The following CREG2 variants were observed in gnomAD, a reference collection of about 807,000 sequenced individuals.
CREG2 encodes cellular repressor of E1A stimulated genes 2, also known as protein CREG2.
Under a neutral mutation model 26.2 loss-of-function variants are expected in CREG2, and 24 were observed. The ratio of observed to expected loss-of-function variants is 0.92; its 90% CI spans 0.66 to 1.29. The LOEUF (loss-of-function observed/expected upper bound fraction) is 1.29. Ranked by LOEUF, CREG2 falls within the 50% of genes most tolerant of loss-of-function variation. The pLI is 0.00. For synonymous variants in CREG2, 174 were observed against 169.2 expected, an observed-to-expected ratio of 1.03 and a Z score of -0.22; for missense variants, 366 against 398.6, an observed-to-expected ratio of 0.92 and a Z score of 0.70.
chr2:101,352,091 G>A (rs888843767), intron 3 of CREG2, among the ~76,000 whole-genome samples: 2 of 151,090 alleles, frequency 1.3e-5, no homozygotes, highest in African/African-American at 2.4e-5. Flanking sequence ...TATGTTGCCC[G>A]GGCTAGTCTT....
chr2:101,380,541 G>A, intron 2 of CREG2, among the ~76,000 whole-genome samples: 1 of 152,204 alleles, frequency 6.6e-6, no homozygotes, highest in East Asian at 1.9e-4. Flanking sequence ...CCCAGTTCTG[G>A]CTTTGTCTTC....
At position 101,349,740 on chromosome 2, in the gene CREG2, C is replaced by G. The variant is rs867958754; in HGVS notation, c.*1183G>C. On this transcript the variant is annotated 3_prime_UTR_variant, in exon 4 of 4. Coordinates refer to ENST00000324768, the MANE Select transcript of CREG2 (RefSeq NM_153836.4). The stretch of plus-strand genomic sequence containing the variant: ...TGTAGTAAGAATCAAATTTCAGAGA[C>G]TTTTTTTTTTTTTCCAAAAGCAAGA... 42 of 145,956 alleles carry G rather than the reference C, an allele frequency of 2.9e-4. No individual in the cohort carries two copies. The highest frequency in any genetic ancestry group is 9.5e-4 in the African/African-American group (38 of 40,142). The allele number at this position is 145,956 out of a possible 1,614,324, so 9.0% of individuals were successfully genotyped here. A position where few individuals can be genotyped will look rare whatever the true frequency, so the allele number is the denominator to read the frequency against.
intron 2 of CREG2, among the ~76,000 whole-genome samples, chr2:101,357,784 G>T (rs1351176007): frequency 6.6e-6 from 1 of 151,772 alleles, no homozygotes; most frequent in Non-Finnish European, 1.5e-5. Flanking sequence ...GGGCCATGGA[G>T]CTCACAGGGG....
chr2:101,363,555 G>C (rs373480079), intron 2 of CREG2, among the ~76,000 whole-genome samples: 13 of 152,202 alleles, frequency 8.5e-5, no homozygotes, highest in African/African-American at 2.9e-4. Context: ...TTATGTGTTT[G>C]TGTTCAGTGG....
intron 2 of CREG2, among the ~76,000 whole-genome samples, chr2:101,374,081 C>G (rs1182252333): frequency 4.6e-5 from 7 of 152,166 alleles, no homozygotes; most frequent in African/African-American, 1.7e-4. Flanking sequence ...GACTCAACGG[C>G]CTGCCCTGAG....
chr2:101,353,764 C>T (rs1684415012), intron 3 of CREG2, among the ~76,000 whole-genome samples: 1 of 152,154 alleles, frequency 6.6e-6, no homozygotes, highest in Non-Finnish European at 1.5e-5. Context: ...CACATATACA[C>T]CATGGAATAC....
At chr2:101,369,824 C>T (rs972966466) in intron 2 of CREG2, among the ~76,000 whole-genome samples, 3 of 152,206 alleles carry the variant, frequency 2.0e-5, no homozygotes, top group African/African-American at 2.4e-5. Context: ...CTGCATGGAC[C>T]TGCGTGCACG....
chr2:101,381,427 G>A (rs980956541), intron 2 of CREG2, among the ~76,000 whole-genome samples: 2 of 152,232 alleles, frequency 1.3e-5, no homozygotes, highest in African/African-American at 4.8e-5. Flanking sequence ...AGCTCCACTT[G>A]GAATGCGAAC....
At chr2:101,361,098 A>G (rs1157788841) in intron 2 of CREG2, among the ~76,000 whole-genome samples, 1 of 152,270 alleles carries the variant, frequency 6.6e-6, no homozygotes, top group Admixed American at 6.5e-5. Context: ...GTCATTATAG[A>G]ATAATAACAC....
rs570624552 is a variant in CREG2 at position 101,359,807 on chromosome 2, C to G, written c.612-4441G>C. 2.6e-5 allele frequency among the ~76,000 whole-genome samples: 4 copies of G among 152,358 alleles called. No homozygotes were observed. The East Asian group carries it at 5.8e-4, about 22-fold the overall frequency. On this transcript the variant is annotated intron_variant, in intron 2 of 3. Transcript: ENST00000324768. Reference sequence around the variant, plus strand: ...CCCTCTTCCAAATAAATCGCTGTTACCAGCATTATGCATCAACCAGACTCC... The same window carrying G: ...CCCTCTTCCAAATAAATCGCTGTTAGCAGCATTATGCATCAACCAGACTCC...
chr2:101,370,027 G>A (rs537470117), intron 2 of CREG2, among the ~76,000 whole-genome samples: 6 of 152,330 alleles, frequency 3.9e-5, no homozygotes, highest in Admixed American at 2.6e-4. Context: ...AGGGAATACA[G>A]TGGGTAACAG....
intron 2 of CREG2, among the ~76,000 whole-genome samples, chr2:101,359,174 C>A (rs553532012): frequency 2.0e-5 from 3 of 151,040 alleles, no homozygotes; most frequent in African/African-American, 4.9e-5. Context: ...GGGGGCCAAG[C>A]GGGCAACTTG....
chr2:101,376,885 C>T (rs1684799941), intron 2 of CREG2, among the ~76,000 whole-genome samples: 1 of 152,182 alleles, frequency 6.6e-6, no homozygotes, highest in Non-Finnish European at 1.5e-5. Flanking sequence ...AAACTTCCCT[C>T]TCGTCAGTAG....
Position 101,387,302 on chromosome 2 carries a change from G to T in CREG2, c.156C>A (p.Ser52Arg). The change falls in exon 1 of 4, where the codon AGC (serine) becomes AGA (arginine). Residue 52 changes from serine (S) to arginine (R), a missense_variant. Physicochemically the swap from Ser to Arg is moderately radical, Grantham distance 110. Transcript: ENST00000324768. This position sits in a 1 kb window ranked among gnomAD's most constrained non-coding sequence, Gnocchi z 4.7. ...CGGGCATAGCCTCCTCAGTGGAGGCGCTGTCCAGCTCCTCGTCCACCTCGT... is the reference window on the plus strand; with the variant it reads ...CGGGCATAGCCTCCTCAGTGGAGGCTCTGTCCAGCTCCTCGTCCACCTCGT... Reference protein sequence around the residue: ...VTNEVDEELDSASTEEAMPAL... With the variant: ...VTNEVDEELDRASTEEAMPAL... 1 of 1,491,780 alleles carries T rather than the reference G, an allele frequency of 6.7e-7. No individual in the cohort carries two copies. The highest frequency in any genetic ancestry group is 9.0e-7 in the Non-Finnish European group (1 of 1,114,384). The allele number at this position is 1,491,780 out of a possible 1,614,324, so 92.4% of individuals were successfully genotyped here.
intron 2 of CREG2, among the ~76,000 whole-genome samples, chr2:101,381,326 G>T (rs1425127139): frequency 6.6e-6 from 1 of 152,128 alleles, no homozygotes; most frequent in Non-Finnish European, 1.5e-5. Flanking sequence ...TTTATTCGGG[G>T]CTCTTTTTCA....
At chr2:101,362,918 TGGTGGAGAGTGGCA>T (rs1196999074) in intron 2 of CREG2, among the ~76,000 whole-genome samples, 1 of 152,074 alleles carries the variant, frequency 6.6e-6, no homozygotes, top group African/African-American at 2.4e-5. Flanking sequence ...CTGAGGACCC[TGGTGGAGAGTGGCA>T]GGAGCTGTCC....
At chr2:101,378,937 C>T (rs1053679312) in intron 2 of CREG2, among the ~76,000 whole-genome samples, 1 of 151,422 alleles carries the variant, frequency 6.6e-6, no homozygotes, top group Admixed American at 6.6e-5. Flanking sequence ...ACCTGGGCAG[C>T]AGAGGTTGCA....
At position 101,348,216 on chromosome 2, in the gene CREG2, C is replaced by T. The variant is rs936519116; in HGVS notation, c.*2707G>A. On this transcript the variant is annotated 3_prime_UTR_variant, in exon 4 of 4. Coordinates refer to ENST00000324768, the MANE Select transcript of CREG2 (RefSeq NM_153836.4). ...TGAATACTGTAGCTACATCATAACT[C>T]TATATTAAATAGAATGATTTCTCCT... 6.6e-6 allele frequency: 1 copy of T among 152,188 alleles called. No individual in the cohort carries two copies. Among genetic ancestry groups the T allele is most frequent in the African/African-American group, 2.4e-5 (1 of 41,450 alleles). The allele number at this position is 152,188 out of a possible 1,614,324, so 9.4% of individuals were successfully genotyped here.
intron 2 of CREG2, chr2:101,382,745 A>G: frequency 1.0e-6 from 1 of 985,442 alleles, no homozygotes; most frequent in Non-Finnish European, 1.2e-6. Context: ...GAATAATAGA[A>G]TTTCACAGAT....
Sources: gnomAD v4.1 joint callset for allele counts (sites outside exome capture counted in the v4.1 genomes callset) on GRCh38, gnomAD v4.1.1 for gene constraint, Gnocchi (gnomAD v3.1) non-coding constraint, MANE v1.5 for transcripts, NCBI Gene and HGNC (gene_info 2026-07-23, HGNC 2026-07-21) for gene names.